The following ZNF724 variants were observed in gnomAD, a reference collection of about 807,000 sequenced individuals.
ZNF724 encodes the protein zinc finger protein 724 pseudogene.
In ZNF724, 14 loss-of-function variants were observed where a neutral mutation model predicts 29.3. The observed-to-expected ratio is 0.48, with a 90% confidence interval of 0.32 to 0.75. The LOEUF (loss-of-function observed/expected upper bound fraction) is 0.75. Ranked by LOEUF, ZNF724 falls within the 30% of genes least tolerant of loss-of-function variation. ZNF724 has a pLI of 0.04. For synonymous variants in ZNF724, 180 were observed against 193.6 expected, an observed-to-expected ratio of 0.93 and a Z score of 0.58; for missense variants, 557 against 571.2, an observed-to-expected ratio of 0.98 and a Z score of 0.25.
At position 23,222,311 on chromosome 19, in the gene ZNF724, T is replaced by C; in HGVS notation, c.*74A>G. 1.5e-6 allele frequency: 1 copy of C among 665,290 alleles called. No individual in the cohort carries two copies. Among genetic ancestry groups the C allele is most frequent in the Non-Finnish European group, 2.6e-6 (1 of 390,058 alleles). The allele number at this position is 665,290 out of a possible 1,614,324, so 41.2% of individuals were successfully genotyped here. On this transcript the variant is annotated 3_prime_UTR_variant, in exon 4 of 4. Transcript: ENST00000418100. ...CCAGGATGGTCTCAATCTCTTGATC[T>C]TGTGATCCACCCGCCTTGGCCTCCC... is the stretch of plus-strand genomic sequence containing the variant.
In ZNF724 at chr19:23,223,623, TA is replaced by T; in HGVS notation, c.621del (p.Phe207LeufsTer27). ...TGTTGAGAAAGGGTTGAGGACACAT[TA>T]AAGGCCTTGCCACATTCTTCAAGTT... is the stretch of plus-strand genomic sequence containing the variant. ...SYKLEECGKA[F>X]NVSSTLSQHK... On this transcript the variant is annotated frameshift_variant, in exon 4 of 4. Coordinates refer to ENST00000418100, the MANE Select transcript of ZNF724 (RefSeq NM_001355404.2). LOFTEE classifies it low-confidence loss of function (END_TRUNC). 1.4e-6 allele frequency: 1 copy of T among 714,732 alleles called. No homozygotes were observed. The allele number at this position is 714,732 out of a possible 1,614,324, so 44.3% of individuals were successfully genotyped here. A position where few individuals can be genotyped will look rare whatever the true frequency, so the allele number is the denominator to read the frequency against.
At chr19:23,245,456 A>C (rs1030770147) in intron 1 of ZNF724, among the ~76,000 whole-genome samples, 2 of 152,140 alleles carry the variant, frequency 1.3e-5, no homozygotes, top group Non-Finnish European at 2.9e-5. Flanking sequence ...TATTAAAAAT[A>C]CAAAAAATTA....
chr19:23,236,376 C>A (rs1972021403), intron 1 of ZNF724: 1 of 152,186 alleles, frequency 6.6e-6, no homozygotes, highest in Admixed American at 6.5e-5. Flanking sequence ...AGTGTTTCAG[C>A]TTCAGTTTCT....
intron 1 of ZNF724, among the ~76,000 whole-genome samples, chr19:23,239,892 G>A (rs1231414759): frequency 3.4e-5 from 5 of 147,478 alleles, no homozygotes; most frequent in Admixed American, 3.3e-4. Flanking sequence ...AACTGAAGGA[G>A]ATTTAGAAAT....
At chr19:23,227,413 A>T (rs1057067965) in intron 3 of ZNF724, among the ~76,000 whole-genome samples, 2 of 151,830 alleles carry the variant, frequency 1.3e-5, no homozygotes, top group African/African-American at 4.8e-5. Flanking sequence ...AAAACTAGCC[A>T]GGCGTGGTGG....
At chr19:23,249,368 G>A (rs1366305365) in intron 1 of ZNF724, among the ~76,000 whole-genome samples, 2 of 150,568 alleles carry the variant, frequency 1.3e-5, no homozygotes, top group Admixed American at 6.6e-5. Flanking sequence ...AGCCTCCCGA[G>A]TGGCTGGGAT....
At chr19:23,241,216 C>A (rs765819669) in intron 1 of ZNF724, among the ~76,000 whole-genome samples, 16 of 152,016 alleles carry the variant, frequency 1.1e-4, no homozygotes, top group Non-Finnish European at 1.9e-4. Context: ...AGTTGAAGCC[C>A]TAAATAGATC....
In ZNF724 at chr19:23,223,580, C is replaced by G. The variant is rs939736941; in HGVS notation, c.665G>C (p.Gly222Ala). ...TTCTTCACATTTGTAGTGTTTTTGT[C>G]CTGTATGAATTCTCTTATGTTGAGA... ...TLSQHKRIHT[G>A]QKHYKCEECG... Residue 222 changes from glycine to alanine, a missense_variant, in exon 4 of 4, where the codon GGA (glycine) becomes GCA (alanine). Physicochemically the swap from Gly to Ala is moderately conservative, Grantham distance 60. Transcript: ENST00000418100. The G allele has an allele frequency of 1.4e-6, 1 of 720,476 alleles. No individual in the cohort carries two copies. Among genetic ancestry groups the G allele is most frequent in the African/African-American group, 1.7e-5 (1 of 57,338 alleles). 44.6% of individuals were successfully genotyped at this position (720,476 alleles called of 1,614,324 possible).
At chr19:23,236,509 A>G (rs1167256783) in intron 1 of ZNF724, 3 of 153,618 alleles carry the variant, frequency 2.0e-5, no homozygotes, top group African/African-American at 7.2e-5. Flanking sequence ...ATAGTAATAG[A>G]GCTTCTGAAA....
chr19:23,243,952 TAAAAA>T (rs55768621), intron 1 of ZNF724, among the ~76,000 whole-genome samples: 1 of 141,882 alleles, frequency 7.0e-6, no homozygotes, highest in African/African-American at 2.6e-5. Context: ...ATTAAATAAA[TAAAAA>T]AAAAAAAATA....
At chr19:23,229,555 CTAG>C (rs1971898726) in intron 3 of ZNF724, among the ~76,000 whole-genome samples, 1 of 152,200 alleles carries the variant, frequency 6.6e-6, no homozygotes, top group East Asian at 1.9e-4. Context: ...AGAAACCTGC[CTAG>C]TGTCTGCCCT....
intron 1 of ZNF724, among the ~76,000 whole-genome samples, chr19:23,237,730 A>AAAAG (rs1555725084): frequency 3.0e-4 from 46 of 151,570 alleles, no homozygotes; most frequent in African/African-American, 9.9e-4. Context: ...AAAAAAAAAA[A>AAAAG]AAAGAAAATA....
At chr19:23,233,108 G>A (rs117157841) in intron 1 of ZNF724, among the ~76,000 whole-genome samples, 4,583 of 152,208 alleles carry the variant, frequency 0.03, 111 homozygotes, top group Non-Finnish European at 0.046. Context: ...ATCACTGCTG[G>A]AATATTGTTC....
In ZNF724 at chr19:23,223,263, G is replaced by C. The variant is rs1459771364; in HGVS notation, c.982C>G (p.His328Asp). The C allele has an allele frequency of 1.2e-6, 1 of 841,634 alleles. No individual in the cohort carries two copies. Among genetic ancestry groups the C allele is most frequent in the Non-Finnish European group, 2.1e-6 (1 of 482,690 alleles). 52.1% of individuals were successfully genotyped at this position (841,634 alleles called of 1,614,324 possible). A position where few individuals can be genotyped will look rare whatever the true frequency, so the allele number is the denominator to read the frequency against. Reference protein sequence around the residue: ...AFNQSSNLTKHKRIHTGDKPY... With the variant: ...AFNQSSNLTKDKRIHTGDKPY... ...TTATCACCAGTATGAATTCTCTTATGTTTAGTAAGGTTCGAGGATTGGTTA... is the reference window on the plus strand; with the variant it reads ...TTATCACCAGTATGAATTCTCTTATCTTTAGTAAGGTTCGAGGATTGGTTA... Residue 328 changes from histidine to aspartate, a missense_variant, in exon 4 of 4, where the codon CAT becomes GAT. Coordinates refer to ENST00000418100, the MANE Select transcript of ZNF724 (RefSeq NM_001355404.2).
rs569535687 is a variant in ZNF724, at chr19:23,224,983, C to A, written c.227-965G>T. On this transcript the variant is annotated intron_variant, in intron 3 of 3. Transcript: ENST00000418100. ...CAAAAAAACAAACAAACAACAACAA[C>A]AAAAAAAAAACCCCACCAAATCTGT... is the stretch of plus-strand genomic sequence containing the variant. Among the ~76,000 whole-genome samples, 65 of 146,724 alleles carry A rather than the reference C, an allele frequency of 4.4e-4. 1 individual carries two copies. Among genetic ancestry groups the A allele is most frequent in the African/African-American group, 1.1e-3 (42 of 39,932 alleles).
intron 1 of ZNF724, among the ~76,000 whole-genome samples, chr19:23,240,991 C>T (rs1639757223): frequency 6.6e-6 from 1 of 151,930 alleles, no homozygotes; most frequent in South Asian, 2.1e-4. Flanking sequence ...CAAGATCACG[C>T]CAGTGCACTC....
intron 1 of ZNF724, among the ~76,000 whole-genome samples, chr19:23,248,540 G>A (rs12610867): frequency 6.6e-6 from 1 of 151,458 alleles, no homozygotes; most frequent in East Asian, 1.9e-4. Flanking sequence ...GGAAATCTAG[G>A]CCCTGGATTC....
chr19:23,229,263 A>C (rs572564239), intron 3 of ZNF724, among the ~76,000 whole-genome samples: 1 of 152,112 alleles, frequency 6.6e-6, no homozygotes, highest in East Asian at 1.9e-4. Context: ...AGAATACTGA[A>C]CTTACCCCGT....
chr19:23,239,974 G>C (rs1381251143), intron 1 of ZNF724, among the ~76,000 whole-genome samples: 1 of 147,544 alleles, frequency 6.8e-6, no homozygotes, highest in African/African-American at 2.7e-5. Flanking sequence ...TAAACCGCTA[G>C]CAAGATTAGC....
Sources: gnomAD v4.1 joint callset for allele counts (sites outside exome capture counted in the v4.1 genomes callset) on GRCh38, gnomAD v4.1.1 for gene constraint, MANE v1.5 for transcripts, NCBI Gene and HGNC (gene_info 2026-07-23, HGNC 2026-07-21) for gene names.